Variants in MYO1F observed in about 807,000 individuals in gnomAD.
MYO1F encodes unconventional myosin-If.
A neutral mutation model predicts 146.6 loss-of-function variants in MYO1F; 60 were observed. That is an observed-to-expected ratio of 0.41 (90% CI 0.33 to 0.51). MYO1F has a LOEUF of 0.51. Among genes scored for constraint, MYO1F ranks in the 20% least tolerant of loss-of-function variants. The pLI is 0.25. For synonymous variants in MYO1F, 602 were observed against 602.1 expected (o/e 1.00, Z 0.00); for missense variants, 1,274 against 1,534.3 (o/e 0.83, Z 2.83).
At chr19:8,534,580 A>T (rs1412565399) in intron 19 of MYO1F, among the ~76,000 whole-genome samples, 1 of 151,176 alleles carries the variant, frequency 6.6e-6, no homozygotes, top group Non-Finnish European at 1.5e-5. Flanking sequence ...TGCTGGGATT[A>T]CAGTTGTGAG....
At chr19:8,526,642 C>A in intron 23 of MYO1F, 41 bp from the exon 24 acceptor site, 1 of 1,563,462 alleles carries the variant, frequency 6.4e-7, no homozygotes, top group Non-Finnish European at 8.7e-7. Flanking sequence ...TGGCTGAGGT[C>A]CCCCGCCCCA....
Position 8,557,415 on chromosome 19 carries a change from C to T in MYO1F, c.4-1619G>A, listed in dbSNP as rs1973907559. ...GGGCTCAAGCAATCCTTCCACCACA[C>T]CACAGCCTCCTGGGTAGCTGGGACT... On this transcript the variant is annotated intron_variant, in intron 1 of 27. Transcript: ENST00000644032. Among the ~76,000 whole-genome samples, 11 of 152,262 alleles carry T rather than the reference C, an allele frequency of 7.2e-5. 1 individual carries two copies. The South Asian group carries it at 2.3e-3, about 32-fold the overall frequency.
In MYO1F at chr19:8,551,742, G is replaced by T; in HGVS notation, c.769C>A (p.Leu257Met). 6.2e-7 allele frequency: 1 copy of T among 1,614,180 alleles called. No homozygotes were observed. The highest frequency in any genetic ancestry group is 8.5e-7 in the Non-Finnish European group (1 of 1,180,050). The change falls in exon 8 of 28, where the codon CTG becomes ATG. Residue 257 changes from leucine to methionine, a missense_variant and splice_region_variant. Leu to Met is a conservative substitution (Grantham distance 15, BLOSUM62 2). Transcript: ENST00000644032. ...TDDRSDFGET[L>M]SAMQVIGIPP... ...CTGGAGTAGAGGCCGGTGCTCACCA[G>T]AGTCTCACCAAAGTCGCTTCTGTCG...
At chr19:8,556,217 A>T (rs1973847602) in intron 1 of MYO1F, among the ~76,000 whole-genome samples, 1 of 150,790 alleles carries the variant, frequency 6.6e-6, no homozygotes, top group Non-Finnish European at 1.5e-5. Context: ...TTTGGTAGAG[A>T]TGGGGTTTCA....
chr19:8,536,607 A>C lies in MYO1F; in HGVS notation c.1800-10T>G. 2 of 1,036,928 alleles carry C rather than the reference A, an allele frequency of 1.9e-6. No homozygotes were observed. The highest frequency in any genetic ancestry group is 2.4e-6 in the Non-Finnish European group (2 of 842,286). 64.2% of individuals were successfully genotyped at this position (1,036,928 alleles called of 1,614,324 possible). A position where few individuals can be genotyped will look rare whatever the true frequency, so the allele number is the denominator to read the frequency against. On this transcript the variant is annotated splice_polypyrimidine_tract_variant and intron_variant, in intron 17 of 27. Coordinates refer to ENST00000644032, the MANE Select transcript of MYO1F (RefSeq NM_012335.4). Reference sequence around the variant, plus strand: ...CACCTGGTGCTTGACTCTGGTGGGGAGGGTAGGCTGAGTCCCCTCGGGGTG... The same window carrying C: ...CACCTGGTGCTTGACTCTGGTGGGGCGGGTAGGCTGAGTCCCCTCGGGGTG...
chr19:8,571,987 T>G (rs745850328), intron 1 of MYO1F, among the ~76,000 whole-genome samples: 5 of 151,924 alleles, frequency 3.3e-5, no homozygotes, highest in Non-Finnish European at 5.9e-5. Flanking sequence ...CCTCCTAAAG[T>G]ATTGGGATTA....
chr19:8,558,262 C>G (rs1973938921), intron 1 of MYO1F, among the ~76,000 whole-genome samples: 1 of 152,000 alleles, frequency 6.6e-6, no homozygotes, highest in Non-Finnish European at 1.5e-5. Context: ...CTTCTGGGCT[C>G]AAGAGATCCT....
chr19:8,524,599 A>G (rs1420510483), intron 25 of MYO1F, among the ~76,000 whole-genome samples: 1 of 136,150 alleles, frequency 7.3e-6, no homozygotes, highest in African/African-American at 2.6e-5. Context: ...AAAAAAAAAA[A>G]GAAAGAATTT....
chr19:8,551,633 T>G lies in MYO1F; in HGVS notation c.771+107A>C, dbSNP rs1973615113. 2.6e-6 allele frequency: 4 copies of G among 1,541,024 alleles called. No homozygotes were observed. In the Admixed American group the frequency reaches 6.7e-5, roughly 26 times the overall value. On this transcript the variant is annotated intron_variant, in intron 8 of 27. Coordinates refer to ENST00000644032, the MANE Select transcript of MYO1F (RefSeq NM_012335.4). ...TCCCAAAGTGCTGGGATTACAGGCT[T>G]GAGCCACATGCCTGGCCTGGGCTTC...
Position 8,547,327 on chromosome 19 carries a change from G to C in MYO1F, c.1269+709C>G, listed in dbSNP as rs866437279. Among the ~76,000 whole-genome samples, 681 of 136,828 alleles carry C rather than the reference G, an allele frequency of 5.0e-3. 4 individuals are homozygous for C. Among genetic ancestry groups the C allele is most frequent in the African/African-American group, 0.017 (648 of 38,390 alleles). 89.8% of individuals were successfully genotyped at this position (136,828 alleles called of 152,430 possible). A position where few individuals can be genotyped will look rare whatever the true frequency, so the allele number is the denominator to read the frequency against. The stretch of plus-strand genomic sequence containing the variant: ...AAAAAAAAAAAAAAAAAAAAAAAGC[G>C]GGGAATGGTGGCTCCCATCTGTAAT... On this transcript the variant is annotated intron_variant, in intron 12 of 27. Coordinates refer to ENST00000644032, the MANE Select transcript of MYO1F (RefSeq NM_012335.4).
intron 1 of MYO1F, among the ~76,000 whole-genome samples, chr19:8,569,886 T>C (rs1051569632): frequency 6.6e-6 from 1 of 152,024 alleles, no homozygotes; most frequent in African/African-American, 2.4e-5. Context: ...TCTCATTGCT[T>C]AGGAGGACAG....
chr19:8,526,468 G>T lies in MYO1F; in HGVS notation c.2755C>A (p.Leu919Met), dbSNP rs868125995. The change falls in exon 24 of 28, where the codon CTG becomes ATG. Residue 919 changes from leucine to methionine, a missense_variant. Around this residue, in one of 2 missense-constraint regions of MYO1F, gnomAD observed 374 missense variants for 379.2 expected, o/e 0.99. Transcript: ENST00000644032. ...GCAGACTCACTGGAGCTCTTGGGCA[G>T]CCCATCGCCCACGCTGACCGTGAGG... The part of the protein sequence containing the change: ...RTLTVSVGDG[L>M]PKSSKPTRKG... 1 of 1,559,320 alleles carries T rather than the reference G, an allele frequency of 6.4e-7. No individual in the cohort carries two copies.
chr19:8,543,990 GTGGTGC>G (rs1277391133), intron 14 of MYO1F: 19 of 241,970 alleles, frequency 7.9e-5, no homozygotes, highest in Non-Finnish European at 1.0e-4. Flanking sequence ...GGTGCTGGTG[GTGGTGC>G]TGGTGGTGGC....
chr19:8,566,207 G>A (rs1449220317), intron 1 of MYO1F, among the ~76,000 whole-genome samples: 2 of 115,556 alleles, frequency 1.7e-5, no homozygotes, highest in African/African-American at 3.4e-5. Context: ...TTGCTTTCTC[G>A]CCCAGGCTGG....
intron 1 of MYO1F, among the ~76,000 whole-genome samples, chr19:8,557,446 C>T (rs1022993664): frequency 7.9e-5 from 12 of 152,220 alleles, no homozygotes; most frequent in East Asian, 1.9e-4. Context: ...GGACTACAGA[C>T]GTGCACCACC....
At position 8,553,233 on chromosome 19, in the gene MYO1F, G is replaced by A; in HGVS notation, c.415-5C>T. The A allele has an allele frequency of 6.2e-7, 1 of 1,614,128 alleles. No individual in the cohort carries two copies. ...CAGGATGATATCTTTGACGTGCTGG[G>A]GCAGAGGCAGGTGGAGTGGGAAGAA... On this transcript the variant is annotated splice_region_variant and splice_polypyrimidine_tract_variant and intron_variant, in intron 5 of 27. Transcript: ENST00000644032.
chr19:8,543,330 TG>T (rs1973061527), intron 14 of MYO1F, among the ~76,000 whole-genome samples: 1 of 152,002 alleles, frequency 6.6e-6, no homozygotes, highest in South Asian at 2.1e-4. Context: ...TAGAGTCCAG[TG>T]GATTTCTGTA....
At position 8,530,317 on chromosome 19, in the gene MYO1F, T is replaced by C; in HGVS notation, c.2207A>G (p.Asn736Ser). The C allele has an allele frequency of 6.2e-7, 1 of 1,614,186 alleles. No individual in the cohort carries two copies. The highest frequency in any genetic ancestry group is 1.1e-5 in the South Asian group (1 of 91,084). ...NKKERRRNSI[N>S]RNFVGDYLGL... ...CAGGTAGTCCCCGACGAAGTTCCGA[T>C]TGATGCTGTTGCGCCTCCGCTCCTT... The change falls in exon 21 of 28, where the codon AAT becomes AGT. Residue 736 changes from asparagine (N) to serine (S), a missense_variant. Transcript: ENST00000644032. This position sits in a 1 kb window ranked among gnomAD's most constrained non-coding sequence, Gnocchi z 5.8.
chr19:8,560,432 C>T (rs1379238790), intron 1 of MYO1F, among the ~76,000 whole-genome samples: 1 of 151,306 alleles, frequency 6.6e-6, no homozygotes, highest in African/African-American at 2.4e-5. Context: ...TTGCAGTGAG[C>T]CGAGATTGCA....
Sources: gnomAD v4.1 joint callset for allele counts (sites outside exome capture counted in the v4.1 genomes callset) on GRCh38, gnomAD v4.1.1 for gene constraint, gnomAD v4.1.1 regional missense constraint, Gnocchi (gnomAD v3.1) non-coding constraint, MANE v1.5 for transcripts, NCBI Gene and HGNC (gene_info 2026-07-23, HGNC 2026-07-21) for gene names.